Variants in SFRP1 observed in about 807,000 individuals in gnomAD.
SFRP1 encodes secreted frizzled related protein 1, also known as secreted frizzled-related protein 1.
A neutral mutation model predicts 25.9 loss-of-function variants in SFRP1; 9 were observed. The ratio of observed to expected loss-of-function variants is 0.35; its 90% CI spans 0.21 to 0.61. The LOEUF (loss-of-function observed/expected upper bound fraction) is 0.61, where lower values mean the gene tolerates loss of function less well. SFRP1 is among the 20% of genes least tolerant of loss of function. The pLI is 0.78. For synonymous variants in SFRP1, 178 were observed against 174.0 expected, an observed-to-expected ratio of 1.02 and a Z score of -0.18; for missense variants, 346 against 418.2, an observed-to-expected ratio of 0.83 and a Z score of 1.51.
intron 2 of SFRP1, among the ~76,000 whole-genome samples, chr8:41,298,978 C>G (rs1455895081): frequency 6.6e-6 from 1 of 152,128 alleles, no homozygotes; most frequent in Admixed American, 6.5e-5. Context: ...CTTCTCTCCA[C>G]TCCCCTTCTT....
intron 2 of SFRP1, among the ~76,000 whole-genome samples, chr8:41,279,512 C>T (rs981637332): frequency 3.9e-5 from 6 of 152,076 alleles, no homozygotes; most frequent in African/African-American, 1.4e-4. Context: ...TAGTCCATGG[C>T]AGAGCGGGAC....
intron 2 of SFRP1, among the ~76,000 whole-genome samples, chr8:41,265,760 A>G (rs1803428038): frequency 6.6e-6 from 1 of 152,102 alleles, no homozygotes; most frequent in South Asian, 2.1e-4. Flanking sequence ...ATCCTCCCTC[A>G]TGTCTTTTGG....
chr8:41,283,792 A>T (rs1803664899), intron 2 of SFRP1, among the ~76,000 whole-genome samples: 1 of 151,750 alleles, frequency 6.6e-6, no homozygotes, highest in African/African-American at 2.4e-5. Flanking sequence ...CGAACTCCTG[A>T]CCTCAGGTGA....
At chr8:41,303,610 A>C in intron 1 of SFRP1, 72 bp from the exon 2 acceptor site, 1 of 1,260,600 alleles carries the variant, frequency 7.9e-7, no homozygotes, top group South Asian at 1.2e-5. Context: ...TGGGGAAAAG[A>C]TCGGCCCTGG....
chr8:41,284,501 C>A (rs1803674485), intron 2 of SFRP1, among the ~76,000 whole-genome samples: 1 of 151,966 alleles, frequency 6.6e-6, no homozygotes, highest in African/African-American at 2.4e-5. Flanking sequence ...CAGCAGGGAC[C>A]CTCAGTCTGG....
intron 2 of SFRP1, chr8:41,277,051 G>A (rs1160671833): frequency 2.2e-6 from 1 of 456,208 alleles, no homozygotes; most frequent in Non-Finnish European, 4.4e-6. Flanking sequence ...TAAGCTAATG[G>A]TGCAAAATGA....
intron 1 of SFRP1, among the ~76,000 whole-genome samples, chr8:41,307,686 T>G (rs2117524873): frequency 6.6e-6 from 1 of 152,346 alleles, no homozygotes; most frequent in African/African-American, 2.4e-5. Flanking sequence ...GATGTGTATA[T>G]TTTATCTTTA....
At chr8:41,299,808 G>A (rs1170221960) in intron 2 of SFRP1, among the ~76,000 whole-genome samples, 2 of 151,748 alleles carry the variant, frequency 1.3e-5, no homozygotes, top group Non-Finnish European at 2.9e-5. Flanking sequence ...GCCTTACTTT[G>A]TTCATTCCAA....
chr8:41,305,926 C>T (rs1205508817), intron 1 of SFRP1, among the ~76,000 whole-genome samples: 1 of 152,216 alleles, frequency 6.6e-6, no homozygotes, highest in African/African-American at 2.4e-5. Context: ...GAACAGAGGG[C>T]TCTGTGGCCT....
intron 2 of SFRP1, among the ~76,000 whole-genome samples, chr8:41,266,432 G>A (rs1340599515): frequency 6.6e-6 from 1 of 152,010 alleles, no homozygotes. Context: ...GAGTGTTTTT[G>A]TTTTTTATTG....
rs565132486 is a variant in SFRP1 at position 41,286,193 on chromosome 8, C to T, written c.622+17268G>A. ...GTTCCTCCCTGGGCTTGCCTATTCC[C>T]GACTTCGAGTAATCATCCAAAACAA... On this transcript the variant is annotated intron_variant, in intron 2 of 2. Transcript: ENST00000220772. Among the ~76,000 whole-genome samples the T allele has an allele frequency of 3.9e-5, 6 of 152,232 alleles. No homozygotes were observed. In the South Asian group the frequency reaches 8.3e-4, roughly 21 times the overall value.
chr8:41,262,932 C>G lies in SFRP1; in HGVS notation c.*2235G>C, dbSNP rs1030985462. 1.3e-5 allele frequency: 2 copies of G among 152,200 alleles called. No homozygotes were observed. The highest frequency in any genetic ancestry group is 4.8e-5 in the African/African-American group (2 of 41,452). 9.4% of individuals were successfully genotyped at this position (152,200 alleles called of 1,614,324 possible). On this transcript the variant is annotated 3_prime_UTR_variant, in exon 3 of 3. Coordinates refer to ENST00000220772, the MANE Select transcript of SFRP1 (RefSeq NM_003012.5). ...CTGAGACAGACGGTGGTAAAACCCA[C>G]AGCTGCGATTCACATTTCCAATTTA...
At chr8:41,289,862 G>C (rs564069957) in intron 2 of SFRP1, among the ~76,000 whole-genome samples, 200 of 152,326 alleles carry the variant, frequency 1.3e-3, no homozygotes, top group Non-Finnish European at 2.5e-3. Flanking sequence ...AAGCTCTTCT[G>C]GAGGATAGTG....
chr8:41,286,924 C>T (rs1417454908), intron 2 of SFRP1, among the ~76,000 whole-genome samples: 2 of 152,216 alleles, frequency 1.3e-5, no homozygotes, highest in South Asian at 2.1e-4. Context: ...GTGCCCCAAG[C>T]GTGGCATCTG....
Position 41,272,750 on chromosome 8 carries a change from A to G in SFRP1, c.623-7261T>C, listed in dbSNP as rs556822263. ...CAATCCAAGAGTTTCAACATCTGAG[A>G]AAAGGGTATTATAGCAAGAGAGAAC... On this transcript the variant is annotated intron_variant, in intron 2 of 2. Coordinates refer to ENST00000220772, the MANE Select transcript of SFRP1 (RefSeq NM_003012.5). Among the ~76,000 whole-genome samples, 12 of 152,372 alleles carry G rather than the reference A, an allele frequency of 7.9e-5. No individual in the cohort carries two copies. The East Asian group carries it at 2.3e-3, about 29-fold the overall frequency.
chr8:41,285,851 G>C (rs552194290), intron 2 of SFRP1, among the ~76,000 whole-genome samples: 1 of 152,334 alleles, frequency 6.6e-6, no homozygotes, highest in East Asian at 1.9e-4. Flanking sequence ...TCAGGCTAGG[G>C]TCGGGGGTGC....
intron 2 of SFRP1, among the ~76,000 whole-genome samples, chr8:41,266,732 T>C (rs772303588): frequency 1.1e-4 from 16 of 151,904 alleles, no homozygotes; most frequent in Non-Finnish European, 1.6e-4. Context: ...ACCATGAGGG[T>C]TTCTTTTTGT....
At chr8:41,303,590 G>A in intron 1 of SFRP1, 52 bp from the exon 2 acceptor site, 1 of 1,468,868 alleles carries the variant, frequency 6.8e-7, no homozygotes, top group Non-Finnish European at 9.5e-7. Context: ...AGCAGGAAGG[G>A]AGCAGCCCCT....
At chr8:41,270,295 C>CA (rs1007853944) in intron 2 of SFRP1, among the ~76,000 whole-genome samples, 3 of 151,612 alleles carry the variant, frequency 2.0e-5, no homozygotes, top group Admixed American at 1.3e-4. Context: ...AAATTAGAGT[C>CA]AAAAAAACAA....
Sources: allele counts gnomAD v4.1 joint callset (sites outside exome capture counted in the v4.1 genomes callset), GRCh38; gene constraint gnomAD v4.1.1; transcripts MANE v1.5; gene names NCBI Gene and HGNC (gene_info 2026-07-23, HGNC 2026-07-21).